The following IQGAP2 variants were observed in gnomAD, a reference collection of about 807,000 sequenced individuals.
The protein encoded by IQGAP2 is IQ motif containing GTPase activating protein 2.
In IQGAP2, 173 loss-of-function variants were observed where a neutral mutation model predicts 201.3. The ratio of observed to expected loss-of-function variants is 0.86; its 90% CI spans 0.76 to 0.98. The LOEUF (loss-of-function observed/expected upper bound fraction) is 0.98. IQGAP2 is among the 50% of genes least tolerant of loss of function. IQGAP2 has a pLI of 0.00. For missense variants in IQGAP2, 1,687 were observed against 1,864.8 expected (o/e 0.90, Z 1.76); for synonymous variants, 675 against 673.9 (o/e 1.00, Z -0.03).
At chr5:76,441,115 T>C (rs889111313) in intron 1 of IQGAP2, among the ~76,000 whole-genome samples, 1 of 152,146 alleles carries the variant, frequency 6.6e-6, no homozygotes, top group Non-Finnish European at 1.5e-5. Flanking sequence ...CTCAGTGTCC[T>C]TGTGCTCTGT....
chr5:76,560,973 C>A (rs1744325269), intron 2 of IQGAP2, among the ~76,000 whole-genome samples: 1 of 152,142 alleles, frequency 6.6e-6, no homozygotes, highest in East Asian at 1.9e-4. Flanking sequence ...AATAATAAAA[C>A]AGAACAATTA....
chr5:76,460,151 C>A (rs1268999700), intron 1 of IQGAP2, among the ~76,000 whole-genome samples: 1 of 152,042 alleles, frequency 6.6e-6, no homozygotes, highest in Non-Finnish European at 1.5e-5. Context: ...CAGTGGGGGG[C>A]TTTTCTGATG....
At chr5:76,595,077 T>C (rs1746920843) in intron 9 of IQGAP2, among the ~76,000 whole-genome samples, 1 of 152,088 alleles carries the variant, frequency 6.6e-6, no homozygotes, top group African/African-American at 2.4e-5. Flanking sequence ...GCAACCATAG[T>C]AATAGCATCA....
intron 3 of IQGAP2, among the ~76,000 whole-genome samples, chr5:76,564,478 G>A (rs1277695215): frequency 6.6e-6 from 1 of 152,194 alleles, no homozygotes; most frequent in Non-Finnish European, 1.5e-5. Context: ...TCATGGAAGT[G>A]AGCCTCAGAG....
chr5:76,629,106 G>A (rs144891816), intron 14 of IQGAP2, among the ~76,000 whole-genome samples: 13 of 152,150 alleles, frequency 8.5e-5, no homozygotes, highest in African/African-American at 3.1e-4. Flanking sequence ...AAAGTAAGAG[G>A]ATTTCTCAAA....
rs1345133033 is a variant in IQGAP2 at position 76,586,362 on chromosome 5, AT to A, written c.459-2543del. 3.9e-5 allele frequency among the ~76,000 whole-genome samples: 6 copies of A among 151,960 alleles called. No individual in the cohort carries two copies. In the East Asian group the frequency reaches 5.8e-4, roughly 15 times the overall value. On this transcript the variant is annotated intron_variant, in intron 5 of 35. Coordinates refer to ENST00000274364, the MANE Select transcript of IQGAP2 (RefSeq NM_006633.5). ...TACACATATGGTAAAAAAAAAAAAAATGTTCTTTGTCCTTTGCTATGGTTTT... is the reference window on the plus strand; with the variant it reads ...TACACATATGGTAAAAAAAAAAAAAAGTTCTTTGTCCTTTGCTATGGTTTT...
rs1457507492 is a variant in IQGAP2, at chr5:76,505,702, C to T, written c.146+44033C>T. On this transcript the variant is annotated intron_variant, in intron 2 of 35. Transcript: ENST00000274364. ...CCTGTCAGAGTTTTGCAGGTGTATT[C>T]CTGATCTCCTGGCTTGGAGCTCTTA... Among the ~76,000 whole-genome samples the T allele has an allele frequency of 7.2e-5, 11 of 152,140 alleles. 1 individual carries two copies.
intron 2 of IQGAP2, among the ~76,000 whole-genome samples, chr5:76,529,164 A>G (rs1479796625): frequency 6.6e-6 from 1 of 152,178 alleles, no homozygotes; most frequent in Non-Finnish European, 1.5e-5. Context: ...AAAGAGAAGT[A>G]TGACTGATAT....
intron 13 of IQGAP2, chr5:76,624,610 T>C (rs1007931081): frequency 7.9e-5 from 12 of 152,366 alleles, no homozygotes; most frequent in African/African-American, 2.6e-4. Context: ...TTAGAACTTT[T>C]CTGGGAGTTA....
chr5:76,525,264 C>G (rs1580381029), intron 2 of IQGAP2, among the ~76,000 whole-genome samples: 1 of 152,202 alleles, frequency 6.6e-6, no homozygotes, highest in South Asian at 2.1e-4. Context: ...GAAATTGTTA[C>G]ATGCCAGCCG....
intron 30 of IQGAP2, among the ~76,000 whole-genome samples, chr5:76,686,244 G>T (rs1745727606): frequency 4.0e-5 from 6 of 149,510 alleles, no homozygotes; most frequent in African/African-American, 2.5e-5. Context: ...AAATATTTTT[G>T]CCCCTTGTGT....
chr5:76,508,846 G>A (rs1233299633), intron 2 of IQGAP2, among the ~76,000 whole-genome samples: 2 of 152,052 alleles, frequency 1.3e-5, no homozygotes, highest in South Asian at 2.1e-4. Context: ...ACAAAACCAT[G>A]CGGTCCCTTT....
At chr5:76,697,088 G>C (rs1399854856) in intron 32 of IQGAP2, among the ~76,000 whole-genome samples, 1 of 152,094 alleles carries the variant, frequency 6.6e-6, no homozygotes, top group African/African-American at 2.4e-5. Context: ...ACTTATATCT[G>C]CAAGTTTAAA....
rs377569601 is a variant in IQGAP2, at chr5:76,654,240, A to T, written c.2219A>T (p.Tyr740Phe). Residue 740 changes from tyrosine (Y) to phenylalanine (F), a missense_variant, in exon 19 of 36, where the codon TAT (tyrosine) becomes TTT (phenylalanine). Transcript: ENST00000274364. ...CGAATGGCAACTGCAAGAAAGAGCT[A>T]TCTTTCAAGACTACAGTATTTCAGA... ...WFRMATARKS[Y>F]LSRLQYFRDH... 2 of 1,611,004 alleles carry T rather than the reference A, an allele frequency of 1.2e-6. No homozygotes were observed. The highest frequency in any genetic ancestry group is 1.7e-6 in the Non-Finnish European group (2 of 1,178,402).
chr5:76,473,433 T>C (rs10038589), intron 2 of IQGAP2, among the ~76,000 whole-genome samples: 103,434 of 151,912 alleles, frequency 0.68, 35,978 homozygotes, highest in Middle Eastern at 0.81. Context: ...TTGTATTTAC[T>C]TTGTGTTCTT....
chr5:76,427,298 GCCT>G (rs1394173802), intron 1 of IQGAP2, among the ~76,000 whole-genome samples: 1 of 152,090 alleles, frequency 6.6e-6, no homozygotes, highest in Non-Finnish European at 1.5e-5. Context: ...GCTGTGTGTT[GCCT>G]GGCCAAGCTC....
intron 2 of IQGAP2, among the ~76,000 whole-genome samples, chr5:76,548,710 A>G (rs1242799271): frequency 2.0e-5 from 3 of 152,238 alleles, no homozygotes; most frequent in African/African-American, 4.8e-5. Context: ...ATACATTCAT[A>G]TAAGTGCCAA....
At chr5:76,628,786 T>G in intron 14 of IQGAP2, 1 of 449,644 alleles carries the variant, frequency 2.2e-6, no homozygotes, top group Non-Finnish European at 4.4e-6. Flanking sequence ...TTTTATTCCC[T>G]AAGGAACTTT....
At chr5:76,446,082 T>A (rs1368439936) in intron 1 of IQGAP2, among the ~76,000 whole-genome samples, 1 of 152,242 alleles carries the variant, frequency 6.6e-6, no homozygotes, top group African/African-American at 2.4e-5. Flanking sequence ...GCTTATCTGC[T>A]TGTCTGTTCG....
Sources: gnomAD v4.1 joint callset for allele counts (sites outside exome capture counted in the v4.1 genomes callset) on GRCh38, gnomAD v4.1.1 for gene constraint, MANE v1.5 for transcripts, NCBI Gene and HGNC (gene_info 2026-07-23, HGNC 2026-07-21) for gene names.